KALRN: variants seen among roughly 807,000 people sequenced by gnomAD.
KALRN encodes kalirin RhoGEF kinase.
In KALRN, 70 loss-of-function variants were observed where a neutral mutation model predicts 353.7. The observed-to-expected ratio is 0.20, with a 90% CI of 0.16 to 0.24. The LOEUF is 0.24. Among genes scored for constraint, KALRN ranks in the 10% least tolerant of loss-of-function variants. The pLI is 1.00. For synonymous variants in KALRN, 1,391 were observed against 1,434.8 expected, an observed-to-expected ratio of 0.97 and a Z score of 0.69; for missense variants, 2,791 against 3,756.7, an observed-to-expected ratio of 0.74 and a Z score of 6.72.
intron 1 of KALRN, among the ~76,000 whole-genome samples, chr3:124,173,411 A>G (rs995993671): frequency 5.9e-5 from 9 of 152,344 alleles, no homozygotes; most frequent in Admixed American, 5.9e-4. Context: ...GGGAATAAAC[A>G]CTAACTCTTT....
intron 34 of KALRN, among the ~76,000 whole-genome samples, chr3:124,600,392 A>G (rs2076681051): frequency 6.6e-6 from 1 of 151,932 alleles, no homozygotes; most frequent in Admixed American, 6.6e-5. Flanking sequence ...ATTGGTTTCA[A>G]CTCTTGTTTG....
chr3:124,531,210 G>A (rs913233360), intron 33 of KALRN, among the ~76,000 whole-genome samples: 14 of 152,228 alleles, frequency 9.2e-5, no homozygotes, highest in African/African-American at 3.4e-4. Flanking sequence ...CCCAGGAAAA[G>A]CAATTGAGTT....
chr3:124,585,334 G>A (rs934378873), intron 34 of KALRN, among the ~76,000 whole-genome samples: 1 of 152,186 alleles, frequency 6.6e-6, no homozygotes, highest in Non-Finnish European at 1.5e-5. Flanking sequence ...CTGGCTACAG[G>A]AATGTGTTTG....
intron 17 of KALRN, among the ~76,000 whole-genome samples, chr3:124,436,346 T>C (rs2093460020): frequency 1.3e-5 from 2 of 152,236 alleles, no homozygotes; most frequent in Admixed American, 6.5e-5. Flanking sequence ...TAATCCCAAA[T>C]TGTTTGCTTC....
intron 13 of KALRN, among the ~76,000 whole-genome samples, chr3:124,413,022 GGGATGGTA>G (rs1310694178): frequency 6.6e-6 from 1 of 152,124 alleles, no homozygotes; most frequent in Non-Finnish European, 1.5e-5. Context: ...CAACAACTGT[GGGATGGTA>G]GACAAAGTCT....
At chr3:124,659,628 C>T (rs1273814327) in intron 43 of KALRN, among the ~76,000 whole-genome samples, 171 bp downstream of exon 43, 1 of 152,196 alleles carries the variant, frequency 6.6e-6, no homozygotes, top group Non-Finnish European at 1.5e-5. Flanking sequence ...CTGCTGGTTA[C>T]TCTGTCAGCT....
At chr3:124,311,061 C>CTTTT (rs1198989072) in intron 6 of KALRN, among the ~76,000 whole-genome samples, 2 of 77,762 alleles carry the variant, frequency 2.6e-5, no homozygotes, top group African/African-American at 3.8e-5. Flanking sequence ...TGAGATACTA[C>CTTTT]TTCTTTTTTT....
At chr3:124,481,810 T>C (rs1229210022) in intron 27 of KALRN, among the ~76,000 whole-genome samples, 1 of 152,142 alleles carries the variant, frequency 6.6e-6, no homozygotes, top group Non-Finnish European at 1.5e-5. Flanking sequence ...CCAGGTGAGG[T>C]TGAGGCCTTA....
At chr3:124,597,335 A>G (rs1005035283) in intron 34 of KALRN, among the ~76,000 whole-genome samples, 1 of 148,970 alleles carries the variant, frequency 6.7e-6, no homozygotes, top group Non-Finnish European at 1.5e-5. Context: ...TGATAACAAA[A>G]AGGGGAAAAA....
rs561753874 is a variant in KALRN, at chr3:124,149,569, G to A, written c.74-78421G>A. On this transcript the variant is annotated intron_variant, in intron 1 of 59. Transcript: ENST00000682506. ...AAGCCAAGAGACCCCATGGTACAAAGGACAGAGCACATGACAAATATGTTC... is the reference window on the plus strand; with the variant it reads ...AAGCCAAGAGACCCCATGGTACAAAAGACAGAGCACATGACAAATATGTTC... 2.0e-5 allele frequency among the ~76,000 whole-genome samples: 3 copies of A among 152,278 alleles called. No homozygotes were observed. In the South Asian group the frequency reaches 6.2e-4, roughly 32 times the overall value.
chr3:124,270,160 G>A (rs559183084), intron 5 of KALRN, among the ~76,000 whole-genome samples: 1 of 152,280 alleles, frequency 6.6e-6, no homozygotes, highest in South Asian at 2.1e-4. Context: ...GAATAAAATA[G>A]GCTCTCTTCC....
intron 10 of KALRN, among the ~76,000 whole-genome samples, chr3:124,365,866 T>G (rs1483343283): frequency 6.6e-6 from 1 of 152,224 alleles, no homozygotes; most frequent in Non-Finnish European, 1.5e-5. Flanking sequence ...ACAGTGCCAC[T>G]TCAGACATAG....
chr3:124,423,032 C>A, intron 15 of KALRN, 54 bp downstream of exon 15: 1 of 1,572,758 alleles, frequency 6.4e-7, no homozygotes, highest in Non-Finnish European at 8.7e-7. Flanking sequence ...CTGAGCCTGA[C>A]CTGGGACCTG....
intron 33 of KALRN, among the ~76,000 whole-genome samples, chr3:124,531,335 T>C (rs1431807000): frequency 6.6e-6 from 1 of 152,234 alleles, no homozygotes; most frequent in African/African-American, 2.4e-5. Context: ...ATATTTTGGC[T>C]TTAACTCAAA....
At chr3:124,127,407 A>C (rs2064811477) in intron 1 of KALRN, among the ~76,000 whole-genome samples, 1 of 151,908 alleles carries the variant, frequency 6.6e-6, no homozygotes, top group South Asian at 2.1e-4. Flanking sequence ...TGGACCCTAC[A>C]CTCCAATATG....
At chr3:124,168,035 CT>C (rs962543288) in intron 1 of KALRN, among the ~76,000 whole-genome samples, 2 of 152,258 alleles carry the variant, frequency 1.3e-5, no homozygotes, top group African/African-American at 4.8e-5. Context: ...GATTCTGTGA[CT>C]TTGTGTTGGG....
chr3:124,577,031 G>A (rs1342288119), intron 34 of KALRN, among the ~76,000 whole-genome samples: 3 of 152,150 alleles, frequency 2.0e-5, no homozygotes, highest in Non-Finnish European at 4.4e-5. Context: ...GCCAGCTCAG[G>A]CGGCTGCTCA....
At chr3:124,054,727 G>A (rs760827053) in intron 1 of KALRN, among the ~76,000 whole-genome samples, 6 of 152,200 alleles carry the variant, frequency 3.9e-5, no homozygotes, top group Non-Finnish European at 8.8e-5. Context: ...GTCCACTGAT[G>A]AACTAATTTG....
intron 16 of KALRN, among the ~76,000 whole-genome samples, chr3:124,431,750 A>C (rs769698520): frequency 1.3e-5 from 2 of 152,192 alleles, no homozygotes; most frequent in Non-Finnish European, 2.9e-5. Flanking sequence ...AAATAATAAA[A>C]TTTTAATTGC....
Sources: allele counts gnomAD v4.1 joint callset (sites outside exome capture counted in the v4.1 genomes callset), GRCh38; gene constraint gnomAD v4.1.1; transcripts MANE v1.5; gene names NCBI Gene and HGNC (gene_info 2026-07-23, HGNC 2026-07-21).